The following TGM4 variants were observed in gnomAD, a reference collection of about 807,000 sequenced individuals.
The protein encoded by TGM4 is protein-glutamine gamma-glutamyltransferase 4.
Under a neutral mutation model 76.3 loss-of-function variants are expected in TGM4, and 61 were observed. The ratio of observed to expected loss-of-function variants is 0.80; its 90% confidence interval spans 0.65 to 0.99. The LOEUF is 0.99. TGM4 is among the 50% of genes least tolerant of loss of function. The pLI is 0.00. For missense variants in TGM4, 794 were observed against 843.2 expected, an observed-to-expected ratio of 0.94 and a Z score of 0.72; for synonymous variants, 337 against 329.8, an observed-to-expected ratio of 1.02 and a Z score of -0.24.
At chr3:44,902,558 C>G (rs1699868962) in intron 8 of TGM4, among the ~76,000 whole-genome samples, 1 of 152,168 alleles carries the variant, frequency 6.6e-6, no homozygotes, top group Non-Finnish European at 1.5e-5. Flanking sequence ...CGAGATCGCA[C>G]CACTGCACTC....
intron 4 of TGM4, among the ~76,000 whole-genome samples, chr3:44,891,957 A>T (rs1425351999): frequency 1.4e-5 from 2 of 142,668 alleles, no homozygotes; most frequent in African/African-American, 5.3e-5. Flanking sequence ...CTCTGTCTCA[A>T]AAAAGGAAAA....
In TGM4 at chr3:44,913,867, C is replaced by T; in HGVS notation, c.*142C>T. The T allele has an allele frequency of 1.7e-6, 2 of 1,171,266 alleles. No homozygotes were observed. Among genetic ancestry groups the T allele is most frequent in the South Asian group, 1.5e-5 (1 of 64,832 alleles). The allele number at this position is 1,171,266 out of a possible 1,614,324, so 72.6% of individuals were successfully genotyped here. ...AGCAGGTCAAAAAGGCCAACACAAC[C>T]ATAAGCAGCCAGACCCACAAGGCCA... On this transcript the variant is annotated 3_prime_UTR_variant, in exon 14 of 14. Transcript: ENST00000296125.
chr3:44,906,328 T>C (rs1699921506), intron 9 of TGM4, among the ~76,000 whole-genome samples: 1 of 152,194 alleles, frequency 6.6e-6, no homozygotes, highest in African/African-American at 2.4e-5. Context: ...CTCATTAAGT[T>C]GTCAATGACT....
At chr3:44,887,588 G>A in intron 2 of TGM4, 101 bp from the exon 3 acceptor site, 3 of 1,011,602 alleles carry the variant, frequency 3.0e-6, no homozygotes, top group Non-Finnish European at 4.4e-6. Context: ...GAAAGGAGGG[G>A]TGGGGGCTCC....
At position 44,890,778 on chromosome 3, in the gene TGM4, C is replaced by T. The variant is rs937837; in HGVS notation, c.430+46C>T. ...GCTGGGGAATGGCAGGTGACCCCGG[C>T]AAAACCTGCTATGTGCAATGCATAG... is the stretch of plus-strand genomic sequence containing the variant. On this transcript the variant is annotated intron_variant, in intron 4 of 13. Transcript: ENST00000296125. 0.25 allele frequency: 396,225 copies of T among 1,606,160 alleles called. 59,630 individuals carry two copies. Among genetic ancestry groups the T allele is most frequent in the East Asian group, 0.78 (34,975 of 44,790 alleles).
chr3:44,883,106 G>A (rs553335611), intron 1 of TGM4, among the ~76,000 whole-genome samples: 2 of 152,310 alleles, frequency 1.3e-5, no homozygotes, highest in African/African-American at 2.4e-5. Flanking sequence ...AACATGGGAG[G>A]GACTGTTAAA....
At chr3:44,888,001 C>T (rs1699636476) in intron 3 of TGM4, 1 of 575,360 alleles carries the variant, frequency 1.7e-6, no homozygotes, top group Non-Finnish European at 3.1e-6. Flanking sequence ...TGTGGCCAAA[C>T]CTCCTACATG....
intron 6 of TGM4, among the ~76,000 whole-genome samples, chr3:44,897,950 T>C (rs1346659886): frequency 6.6e-6 from 1 of 152,202 alleles, no homozygotes; most frequent in Non-Finnish European, 1.5e-5. Context: ...AGTTGGAATA[T>C]ATGAACATCT....
Position 44,911,409 on chromosome 3 carries a change from G to A in TGM4, c.1913+3G>A. 1 of 1,613,948 alleles carries A rather than the reference G, an allele frequency of 6.2e-7. No individual in the cohort carries two copies. Among genetic ancestry groups the A allele is most frequent in the South Asian group, 1.1e-5 (1 of 91,050 alleles). On this transcript the variant is annotated splice_donor_region_variant and intron_variant, in intron 13 of 13. Coordinates refer to ENST00000296125, the MANE Select transcript of TGM4 (RefSeq NM_003241.4). ...TCACTACAGACCTCTGACCATGGGT[G>A]AGTCTGCCTGAGGTATTCTTAGAAA...
chr3:44,903,725 T>G, intron 8 of TGM4, 159 bp from the exon 9 acceptor site: 1 of 678,636 alleles, frequency 1.5e-6, no homozygotes, highest in Admixed American at 2.2e-5. Context: ...GACTCACCGG[T>G]GGCCCCTTCC....
chr3:44,874,978 T>C (rs1214640357), intron 1 of TGM4, among the ~76,000 whole-genome samples: 1 of 152,256 alleles, frequency 6.6e-6, no homozygotes, highest in African/African-American at 2.4e-5. Context: ...GCTTTATCCT[T>C]CTCGATCAGT....
chr3:44,911,230 A>G (rs745700779), intron 12 of TGM4, 40 bp from the exon 13 acceptor site: 28 of 1,612,860 alleles, frequency 1.7e-5, no homozygotes, highest in African/African-American at 1.2e-4. Flanking sequence ...TGGCTCATGC[A>G]TATCTTCTCT....
At chr3:44,911,677 T>C (rs574925567) in intron 13 of TGM4, among the ~76,000 whole-genome samples, 11 of 152,232 alleles carry the variant, frequency 7.2e-5, no homozygotes, top group African/African-American at 1.4e-4. Context: ...CTTACATTAA[T>C]TGACTCTCTC....
At chr3:44,891,468 C>T (rs924054915) in intron 4 of TGM4, among the ~76,000 whole-genome samples, 3 of 151,630 alleles carry the variant, frequency 2.0e-5, no homozygotes, top group Admixed American at 2.0e-4. Flanking sequence ...CTGTTGTTAA[C>T]ATTTTGCTCC....
chr3:44,889,961 A>G (rs1699666474), intron 3 of TGM4, among the ~76,000 whole-genome samples: 1 of 152,206 alleles, frequency 6.6e-6, no homozygotes, highest in African/African-American at 2.4e-5. Flanking sequence ...ACAGTTCCAC[A>G]TGGCTGGGGA....
At chr3:44,882,051 CA>C (rs1202462923) in intron 1 of TGM4, among the ~76,000 whole-genome samples, 2 of 131,674 alleles carry the variant, frequency 1.5e-5, no homozygotes, top group Non-Finnish European at 3.2e-5. Flanking sequence ...AATAAAAATA[CA>C]AACGCTTTTT....
chr3:44,880,960 G>A (rs1343529914), intron 1 of TGM4, among the ~76,000 whole-genome samples: 1 of 152,180 alleles, frequency 6.6e-6, no homozygotes, highest in African/African-American at 2.4e-5. Flanking sequence ...GCTCGTGTCT[G>A]TAATTCCAAC....
Position 44,877,408 on chromosome 3 carries a change from C to T in TGM4, c.19+2711C>T, listed in dbSNP as rs138633830. ...GGCTGCAGTGAGCTGAGACTGCACT[C>T]CAGTCTGGGCAACAGAGCGAGACTT... is the stretch of plus-strand genomic sequence containing the variant. On this transcript the variant is annotated intron_variant, in intron 1 of 13. Transcript: ENST00000296125. Among the ~76,000 whole-genome samples the T allele has an allele frequency of 3.2e-4, 48 of 151,914 alleles. No individual in the cohort carries two copies. The East Asian group carries it at 8.9e-3, about 28-fold the overall frequency.
chr3:44,893,404 G>A (rs113852814), intron 4 of TGM4, among the ~76,000 whole-genome samples, 173 bp from the exon 5 acceptor site: 3,045 of 152,124 alleles, frequency 0.02, 53 homozygotes, highest in Middle Eastern at 0.065. Flanking sequence ...CAGCTGGCTC[G>A]GGAAGTTCTT....
Sources: allele counts gnomAD v4.1 joint callset (sites outside exome capture counted in the v4.1 genomes callset), GRCh38; gene constraint gnomAD v4.1.1; transcripts MANE v1.5; gene names NCBI Gene and HGNC (gene_info 2026-07-23, HGNC 2026-07-21).